SPATA9: variants seen among roughly 807,000 people sequenced by gnomAD.
The protein encoded by SPATA9 is spermatogenesis associated 9, also known as spermatogenesis-associated protein 9.
A neutral mutation model predicts 25.5 loss-of-function variants in SPATA9; 27 were observed. That is an observed-to-expected ratio of 1.06 (90% CI 0.78 to 1.46). The LOEUF is 1.46. Among genes scored for constraint, SPATA9 ranks in the 40% most tolerant of loss-of-function variants. The pLI is 0.00. For synonymous variants in SPATA9, 102 were observed against 105.7 expected (o/e 0.97, Z 0.21); for missense variants, 282 against 297.5 (o/e 0.95, Z 0.38).
chr5:95,683,397 A>G (rs1753614086), upstream of SPATA9, among the ~76,000 whole-genome samples: 1 of 151,144 alleles, frequency 6.6e-6, no homozygotes, highest in African/African-American at 2.4e-5. Flanking sequence ...CTGCTTTATA[A>G]TCTCAATCTC....
chr5:95,725,852 A>G, the SPATA9 span, among the ~76,000 whole-genome samples: 1 of 151,494 alleles, frequency 6.6e-6, no homozygotes, highest in Non-Finnish European at 1.5e-5. Context: ...CTAATCCATC[A>G]GTGGTTACAT....
chr5:95,699,713 A>C (rs189032515), upstream of SPATA9, among the ~76,000 whole-genome samples: 178 of 152,350 alleles, frequency 1.2e-3, 3 homozygotes, highest in African/African-American at 4.2e-3. Context: ...AATAGTAGAA[A>C]TGGGAGAAAT....
At chr5:95,721,593 G>A in the SPATA9 span, among the ~76,000 whole-genome samples, 1 of 151,376 alleles carries the variant, frequency 6.6e-6, no homozygotes. Flanking sequence ...GAAGGTAAAA[G>A]AGGAGAGAAT....
At chr5:95,706,448 C>T in the SPATA9 span, among the ~76,000 whole-genome samples, 2 of 151,834 alleles carry the variant, frequency 1.3e-5, no homozygotes, top group Non-Finnish European at 2.9e-5. Context: ...GCTTCCTTTT[C>T]ACCTTCTGCC....
intron 4 of SPATA9, 145 bp from the exon 5 acceptor site, chr5:95,659,058 C>G: frequency 9.9e-7 from 1 of 1,015,154 alleles, no homozygotes; most frequent in East Asian, 2.6e-5. Flanking sequence ...CCTTCAGGTA[C>G]ATAATATAAT....
intron 3 of SPATA9, among the ~76,000 whole-genome samples, chr5:95,669,831 T>G (rs115935218): frequency 0.011 from 1,739 of 152,314 alleles, 20 homozygotes; most frequent in Non-Finnish European, 0.017. Flanking sequence ...CTGGAGATGT[T>G]GAAAACTACC....
intron 1 of SPATA9, among the ~76,000 whole-genome samples, chr5:95,695,631 C>G (rs957140778): frequency 1.1e-4 from 17 of 152,104 alleles, no homozygotes; most frequent in African/African-American, 4.1e-4. Context: ...CATTTACACT[C>G]TTATATATTG....
upstream of SPATA9, chr5:95,683,112 G>T: frequency 3.8e-6 from 3 of 785,902 alleles, no homozygotes; most frequent in African/African-American, 1.8e-5. Flanking sequence ...GGAGTGAGGG[G>T]ATTGAATAAT....
downstream of SPATA9, chr5:95,656,308 G>A (rs754374146): frequency 1.3e-6 from 2 of 1,595,570 alleles, no homozygotes; most frequent in African/African-American, 2.7e-5. Flanking sequence ...AGTTCTTCCT[G>A]ATAAAAAATA....
the SPATA9 span, among the ~76,000 whole-genome samples, chr5:95,714,456 T>C: frequency 6.6e-6 from 1 of 151,904 alleles, no homozygotes. Context: ...TGTTTTGCAA[T>C]AGAAGGAAAA....
chr5:95,696,323 TA>T (rs1332639030), intron 1 of SPATA9, among the ~76,000 whole-genome samples: 4 of 152,220 alleles, frequency 2.6e-5, no homozygotes, highest in Non-Finnish European at 5.9e-5. Context: ...CTATGAAAAA[TA>T]ACTATTTTCT....
chr5:95,668,504 A>G (rs766839807), intron 3 of SPATA9, among the ~76,000 whole-genome samples: 2 of 152,232 alleles, frequency 1.3e-5, no homozygotes, highest in Non-Finnish European at 2.9e-5. Flanking sequence ...GTATGGTAAA[A>G]GCTAAGAGAA....
chr5:95,728,040 C>T, the SPATA9 span, among the ~76,000 whole-genome samples: 1 of 152,244 alleles, frequency 6.6e-6, no homozygotes, highest in African/African-American at 2.4e-5. Context: ...GAGAGACACA[C>T]TTCTCTACTG....
At chr5:95,724,041 G>A in the SPATA9 span, among the ~76,000 whole-genome samples, 2 of 152,206 alleles carry the variant, frequency 1.3e-5, no homozygotes, top group Admixed American at 6.5e-5. Flanking sequence ...ATTTGATAAC[G>A]ATACATACAT....
the SPATA9 span, among the ~76,000 whole-genome samples, chr5:95,703,991 A>C: frequency 6.6e-6 from 1 of 152,266 alleles, no homozygotes; most frequent in South Asian, 2.1e-4. Flanking sequence ...CCCAACAGAC[A>C]CACAAACACT....
the SPATA9 span, among the ~76,000 whole-genome samples, chr5:95,704,216 A>G: frequency 6.6e-6 from 1 of 152,174 alleles, no homozygotes; most frequent in Non-Finnish European, 1.5e-5. Context: ...TGAATGCAAT[A>G]TTTTTCATGT....
chr5:95,714,119 G>C, the SPATA9 span, among the ~76,000 whole-genome samples: 1 of 151,722 alleles, frequency 6.6e-6, no homozygotes, highest in Non-Finnish European at 1.5e-5. Flanking sequence ...TACATGCTGA[G>C]TTTGCATAAA....
chr5:95,683,788 C>T (rs1431860165), upstream of SPATA9, among the ~76,000 whole-genome samples: 15 of 152,142 alleles, frequency 9.9e-5, no homozygotes, highest in African/African-American at 2.9e-4. Flanking sequence ...CCGCCTGCCT[C>T]GGCCTCCCAA....
chr5:95,674,010 G>A (rs944521628), intron 3 of SPATA9, among the ~76,000 whole-genome samples: 4 of 152,134 alleles, frequency 2.6e-5, no homozygotes, highest in Admixed American at 6.6e-5. Context: ...AAAGTGCTGG[G>A]ATTACAGGCA....
Sources: gnomAD v4.1 joint callset for allele counts (sites outside exome capture counted in the v4.1 genomes callset) on GRCh38, gnomAD v4.1.1 for gene constraint, MANE v1.5 for transcripts, NCBI Gene and HGNC (gene_info 2026-07-23, HGNC 2026-07-21) for gene names.